The following PVALB variants were observed in gnomAD, a reference collection of about 807,000 sequenced individuals.
The protein encoded by PVALB is parvalbumin.
PVALB carries 11 observed loss-of-function variants against 10.9 expected under a neutral mutation model. That is an observed-to-expected ratio of 1.01 (90% CI 0.63 to 1.67). The LOEUF (loss-of-function observed/expected upper bound fraction) is 1.67. Among genes scored for constraint, PVALB ranks in the 40% most tolerant of loss-of-function variants. The probability of loss-of-function intolerance (pLI) is 0.00; values close to 1 mark genes in which losing one functional copy is unlikely to be tolerated. For synonymous variants in PVALB, 57 were observed against 50.7 expected, an observed-to-expected ratio of 1.12 and a Z score of -0.53; for missense variants, 131 against 136.2, an observed-to-expected ratio of 0.96 and a Z score of 0.19.
chr22:36,805,605 T>C (rs370995813), intron 3 of PVALB, among the ~76,000 whole-genome samples: 1 of 152,316 alleles, frequency 6.6e-6, no homozygotes, highest in South Asian at 2.1e-4. Flanking sequence ...TCTTGTTCCA[T>C]CACTATCTGG....
At chr22:36,812,105 G>T (rs739031) in intron 3 of PVALB, among the ~76,000 whole-genome samples, 131,242 of 152,240 alleles carry the variant, frequency 0.86, 57,070 homozygotes, top group Non-Finnish European at 0.92. Context: ...AGCAATTTTG[G>T]GTTCACAGAA....
At chr22:36,803,888 C>G (rs1199754102) in intron 3 of PVALB, among the ~76,000 whole-genome samples, 1 of 152,202 alleles carries the variant, frequency 6.6e-6, no homozygotes, top group Non-Finnish European at 1.5e-5. Context: ...AGAGGCAGAG[C>G]CAGGACTTGG....
chr22:36,807,935 T>A (rs184383684), intron 3 of PVALB, among the ~76,000 whole-genome samples: 6 of 152,174 alleles, frequency 3.9e-5, no homozygotes, highest in Admixed American at 3.9e-4. Context: ...GGTTGCAAGG[T>A]TAGGCAATAA....
At chr22:36,809,299 TC>T (rs1319197349) in intron 3 of PVALB, among the ~76,000 whole-genome samples, 3 of 152,198 alleles carry the variant, frequency 2.0e-5, no homozygotes, top group Non-Finnish European at 4.4e-5. Context: ...TTTCTTTTTC[TC>T]CCACTATGGG....
chr22:36,801,264 A>G (rs1006484134), intron 3 of PVALB, among the ~76,000 whole-genome samples: 4 of 152,196 alleles, frequency 2.6e-5, no homozygotes, highest in Non-Finnish European at 4.4e-5. Context: ...TTTATATGCA[A>G]TATCTTATTT....
chr22:36,815,541 G>C (rs965501420), intron 1 of PVALB: 4 of 357,820 alleles, frequency 1.1e-5, no homozygotes, highest in Admixed American at 8.1e-5. Context: ...AGAACCAAAG[G>C]CTTTTGTTCT....
chr22:36,810,572 T>A lies in PVALB; in HGVS notation c.304+3074A>T, dbSNP rs539827468. On this transcript the variant is annotated intron_variant, in intron 3 of 3. Coordinates refer to ENST00000417718, the MANE Select transcript of PVALB (RefSeq NM_001315532.2). ...AGGCTGCACAGGTGGGCCTGGACCA[T>A]GCTGTTGGGTTTGAATCCTGGCCCT... Among the ~76,000 whole-genome samples, 9 of 152,288 alleles carry A rather than the reference T, an allele frequency of 5.9e-5. No individual in the cohort carries two copies. In the South Asian group the frequency reaches 1.7e-3, roughly 28 times the overall value.
At chr22:36,812,378 C>T (rs1939059803) in intron 3 of PVALB, among the ~76,000 whole-genome samples, 2 of 152,090 alleles carry the variant, frequency 1.3e-5, no homozygotes, top group Admixed American at 6.5e-5. Flanking sequence ...GTTTTACATC[C>T]ACTTATATGT....
intron 3 of PVALB, among the ~76,000 whole-genome samples, chr22:36,802,809 C>T (rs1226750087): frequency 6.6e-6 from 1 of 151,954 alleles, no homozygotes; most frequent in Non-Finnish European, 1.5e-5. Flanking sequence ...GAGGGTCCAC[C>T]AGCTGGTTTT....
chr22:36,815,592 T>A (rs1306061862), intron 1 of PVALB, among the ~76,000 whole-genome samples: 1 of 151,884 alleles, frequency 6.6e-6, no homozygotes, highest in African/African-American at 2.4e-5. Flanking sequence ...GAGTGCCAGC[T>A]GGTTGGGAGT....
rs551250677 is a variant in PVALB, at chr22:36,803,633, A to T, written c.305-2715T>A. Among the ~76,000 whole-genome samples the T allele has an allele frequency of 2.1e-4, 30 of 144,244 alleles. 1 individual carries two copies. The highest frequency in any genetic ancestry group is 9.3e-4 in the Admixed American group (13 of 14,000). The allele number at this position is 144,244 out of a possible 152,430, so 94.6% of individuals were successfully genotyped here. On this transcript the variant is annotated intron_variant, in intron 3 of 3. Coordinates refer to ENST00000417718, the MANE Select transcript of PVALB (RefSeq NM_001315532.2). ...GAGGAATGGATGGATAGAGGGATGG[A>T]TAAAGGGAGAGAAAGATGAATGGAT...
Position 36,811,897 on chromosome 22 carries a change from C to G in PVALB, c.304+1749G>C, listed in dbSNP as rs558432191. Among the ~76,000 whole-genome samples, 4 of 152,260 alleles carry G rather than the reference C, an allele frequency of 2.6e-5. No homozygotes were observed. The South Asian group carries it at 8.3e-4, about 32-fold the overall frequency. ...GCTCCACTCCTTTAAAACCACCTCCCTCCTTCCCAGCCACAAGAAGGGCAG... is the reference window on the plus strand; with the variant it reads ...GCTCCACTCCTTTAAAACCACCTCCGTCCTTCCCAGCCACAAGAAGGGCAG... On this transcript the variant is annotated intron_variant, in intron 3 of 3. Coordinates refer to ENST00000417718, the MANE Select transcript of PVALB (RefSeq NM_001315532.2).
upstream of PVALB, among the ~76,000 whole-genome samples, chr22:36,819,182 T>C (rs768398665): frequency 2.5e-4 from 38 of 152,080 alleles, no homozygotes; most frequent in East Asian, 1.7e-3. Flanking sequence ...GTTCTAAGGC[T>C]GGGGAATCTG....
chr22:36,817,187 C>G (rs1281597379), upstream of PVALB, among the ~76,000 whole-genome samples: 1 of 152,250 alleles, frequency 6.6e-6, no homozygotes, highest in African/African-American at 2.4e-5. Context: ...AGCCGCGCCG[C>G]TGAGCAGCGC....
chr22:36,811,080 A>T (rs1368336744), intron 3 of PVALB, among the ~76,000 whole-genome samples: 2 of 152,210 alleles, frequency 1.3e-5, no homozygotes, highest in African/African-American at 4.8e-5. Flanking sequence ...GTTCGAGACC[A>T]GCCTGGCCAA....
intron 3 of PVALB, among the ~76,000 whole-genome samples, chr22:36,808,799 T>C (rs1939002660): frequency 6.6e-6 from 1 of 152,224 alleles, no homozygotes; most frequent in South Asian, 2.1e-4. Context: ...GCCTGGGCTT[T>C]GCAACTGCAG....
intron 3 of PVALB, chr22:36,811,527 G>T: frequency 2.2e-6 from 1 of 461,078 alleles, no homozygotes. Context: ...TGCTGGATCT[G>T]TTAGAAGAGT....
chr22:36,818,105 C>A (rs2145956966), upstream of PVALB, among the ~76,000 whole-genome samples: 1 of 152,136 alleles, frequency 6.6e-6, no homozygotes, highest in South Asian at 2.1e-4. Context: ...GAGCGCTGGA[C>A]AGGGAGTCAG....
chr22:36,815,369 A>G, intron 1 of PVALB, 134 bp from the exon 2 acceptor site: 1 of 1,255,118 alleles, frequency 8.0e-7, no homozygotes, highest in South Asian at 1.4e-5. Flanking sequence ...ACCCACCTCC[A>G]TTGGAGGGCT....
Sources: gnomAD v4.1 joint callset for allele counts (sites outside exome capture counted in the v4.1 genomes callset) on GRCh38, gnomAD v4.1.1 for gene constraint, MANE v1.5 for transcripts, NCBI Gene and HGNC (gene_info 2026-07-23, HGNC 2026-07-21) for gene names.